The following NUP214 variants were observed in gnomAD, a reference collection of about 807,000 sequenced individuals.
NUP214 encodes the protein nucleoporin 214.
Under a neutral mutation model 196.2 loss-of-function variants are expected in NUP214, and 79 were observed. The ratio of observed to expected loss-of-function variants is 0.40; its 90% CI spans 0.34 to 0.49. The LOEUF is 0.49. Ranked by LOEUF, NUP214 falls within the 20% of genes least tolerant of loss-of-function variation. The pLI, the probability that NUP214 is intolerant of heterozygous loss-of-function variation, is 0.58. For synonymous variants in NUP214, 1,020 were observed against 990.5 expected (o/e 1.03, Z -0.56); for missense variants, 2,468 against 2,539.0 (o/e 0.97, Z 0.60).
chr9:131,225,074 G>A (rs982704434), intron 32 of NUP214, among the ~76,000 whole-genome samples: 2 of 151,956 alleles, frequency 1.3e-5, no homozygotes, highest in Non-Finnish European at 2.9e-5. Flanking sequence ...ACCAACCTGG[G>A]CAACATAGTG....
At chr9:131,218,085 C>T (rs1834452782) in intron 31 of NUP214, among the ~76,000 whole-genome samples, 1 of 152,188 alleles carries the variant, frequency 6.6e-6, no homozygotes, top group South Asian at 2.1e-4. Flanking sequence ...TACCAGATAA[C>T]CTGTTAGTCT....
chr9:131,139,559 T>G, intron 10 of NUP214, 152 bp downstream of exon 10: 1 of 1,147,586 alleles, frequency 8.7e-7, no homozygotes, highest in Non-Finnish European at 1.2e-6. Context: ...GATAACAGGC[T>G]GCGTTGTGAC....
At chr9:131,160,918 C>G (rs1010630328) in intron 18 of NUP214, among the ~76,000 whole-genome samples, 2 of 152,182 alleles carry the variant, frequency 1.3e-5, no homozygotes, top group Non-Finnish European at 2.9e-5. Flanking sequence ...CATTAGAGAA[C>G]TAGCTCACAC....
chr9:131,151,459 T>A (rs549520376), intron 16 of NUP214, among the ~76,000 whole-genome samples: 1 of 152,384 alleles, frequency 6.6e-6, no homozygotes, highest in African/African-American at 2.4e-5. Flanking sequence ...GTGTTAGCAG[T>A]AATTATCTTC....
chr9:131,200,354 T>G (rs983193449), intron 29 of NUP214, among the ~76,000 whole-genome samples: 2 of 152,226 alleles, frequency 1.3e-5, no homozygotes, highest in Admixed American at 6.5e-5. Context: ...GGCAGGGGAA[T>G]CACTTGAGGT....
Position 131,178,391 on chromosome 9 carries a change from A to G in NUP214, c.3400A>G (p.Thr1134Ala), listed in dbSNP as rs776088512. 33 of 1,612,596 alleles carry G rather than the reference A, an allele frequency of 2.0e-5. No individual in the cohort carries two copies. The highest frequency in any genetic ancestry group is 2.4e-5 in the Non-Finnish European group (28 of 1,178,944). The stretch of plus-strand genomic sequence containing the variant: ...GCAGGAATTGAAGAATAACCCTGCA[A>G]CCCCTTCTACAGCCATGGGGTATGT... ...NVQELKNNPA[T>A]PSTAMGSSVP... Residue 1134 changes from threonine to alanine, a missense_variant, in exon 24 of 36, where the codon ACC (threonine) becomes GCC (alanine). Physicochemically the swap from Thr to Ala is moderately conservative, Grantham distance 58. This residue lies in a region of NUP214 where 1,801 missense variants were observed against 1,779.4 expected (regional missense o/e 1.01). Coordinates refer to ENST00000359428, the MANE Select transcript of NUP214 (RefSeq NM_005085.4).
At chr9:131,162,546 C>T (rs1832672180) in intron 18 of NUP214, among the ~76,000 whole-genome samples, 2 of 152,132 alleles carry the variant, frequency 1.3e-5, no homozygotes, top group Non-Finnish European at 2.9e-5. Context: ...TGCTGTCCCC[C>T]TATTTCTTGA....
At chr9:131,205,987 TTTG>T in intron 30 of NUP214, among the ~76,000 whole-genome samples, 1 of 151,948 alleles carries the variant, frequency 6.6e-6, no homozygotes, top group East Asian at 1.9e-4. Flanking sequence ...CCAGCCTAAA[TTTG>T]TTTTTTAAAG....
At chr9:131,178,273 G>C in intron 23 of NUP214, 38 bp from the exon 24 acceptor site, 1 of 1,509,236 alleles carries the variant, frequency 6.6e-7, no homozygotes, top group African/African-American at 1.4e-5. Flanking sequence ...TCCTTTGCTG[G>C]AATTAATATG....
At position 131,147,577 on chromosome 9, in the gene NUP214, C is replaced by T. The variant is rs1277426119; in HGVS notation, c.2033C>T (p.Ser678Phe). ...ACCCCTCCAGCGGCAAAGCCAGGCTCTCCCCAGGTATGTTTAAATTCAGCT... is the reference window on the plus strand; with the variant it reads ...ACCCCTCCAGCGGCAAAGCCAGGCTTTCCCCAGGTATGTTTAAATTCAGCT... ...RITPPAAKPG[S>F]PQAKSLQPAV... Residue 678 changes from serine to phenylalanine, a missense_variant, in exon 14 of 36, where the codon TCT becomes TTT. Physicochemically the swap from Ser to Phe is radical, Grantham distance 155 (BLOSUM62 -2). Transcript: ENST00000359428. The T allele has an allele frequency of 6.2e-7, 1 of 1,611,530 alleles. No individual in the cohort carries two copies. The highest frequency in any genetic ancestry group is 1.3e-5 in the African/African-American group (1 of 74,990).
chr9:131,139,253 T>A, intron 9 of NUP214, 28 bp from the exon 10 acceptor site: 2 of 1,418,668 alleles, frequency 1.4e-6, no homozygotes, highest in Non-Finnish European at 1.9e-6. Flanking sequence ...CTTCTTCTTC[T>A]TCTTTTTTTT....
At chr9:131,227,867 G>A (rs989845276) in intron 32 of NUP214, among the ~76,000 whole-genome samples, 1 of 152,072 alleles carries the variant, frequency 6.6e-6, no homozygotes, top group African/African-American at 2.4e-5. Flanking sequence ...TGACTTCACA[G>A]GGTCTGCAGG....
At chr9:131,189,332 T>C (rs1833539432) in intron 26 of NUP214, among the ~76,000 whole-genome samples, 2 of 152,224 alleles carry the variant, frequency 1.3e-5, no homozygotes, top group African/African-American at 2.4e-5. Context: ...AAAATTAGTA[T>C]GCCCTTCAAT....
chr9:131,184,810 AATAGTTGGCAGTTAT>A (rs931266512), intron 24 of NUP214, among the ~76,000 whole-genome samples: 3 of 152,222 alleles, frequency 2.0e-5, no homozygotes, highest in Non-Finnish European at 4.4e-5. Flanking sequence ...CAATGGAGAA[AATAGTTGGCAGTTAT>A]ATTTCCATCG....
chr9:131,147,390 T>C, intron 13 of NUP214, 100 bp from the exon 14 acceptor site: 1 of 841,516 alleles, frequency 1.2e-6, no homozygotes. Flanking sequence ...CCAGGGGCAA[T>C]GTGTAACTTA....
chr9:131,179,875 A>G (rs1216764537), intron 24 of NUP214, among the ~76,000 whole-genome samples: 1 of 152,236 alleles, frequency 6.6e-6, no homozygotes, highest in Non-Finnish European at 1.5e-5. Flanking sequence ...TTTTCAAGGG[A>G]AAGAACTATG....
rs748117282 is a variant in NUP214, at chr9:131,178,332, C to T, written c.3341C>T (p.Ser1114Leu). The change falls in exon 24 of 36, where the codon TCA becomes TTA. Residue 1114 changes from serine to leucine, a missense_variant. By Grantham distance (145) the Ser-to-Leu change is moderately radical. This residue lies in a region of NUP214 where 1,801 missense variants were observed against 1,779.4 expected (regional missense o/e 1.01). Transcript: ENST00000359428. The stretch of plus-strand genomic sequence containing the variant: ...TTAGCTGTAAACACTTTGACTGAAT[C>T]AACGTTGAAGAATGTCCCTCAAGTG... The part of the protein sequence containing the change: ...QAPAVNTLTE[S>L]TLKNVPQVVN... The T allele has an allele frequency of 1.7e-5, 28 of 1,613,422 alleles. No homozygotes were observed. Among genetic ancestry groups the T allele is most frequent in the Non-Finnish European group, 2.4e-5 (28 of 1,179,486 alleles).
intron 33 of NUP214, chr9:131,229,378 A>G: frequency 5.2e-6 from 1 of 190,588 alleles, no homozygotes; most frequent in South Asian, 7.6e-5. Flanking sequence ...GGACAGTTAG[A>G]GACCCACTTA....
intron 3 of NUP214, 146 bp downstream of exon 3, chr9:131,128,629 G>C: frequency 4.8e-6 from 3 of 620,286 alleles, no homozygotes; most frequent in Non-Finnish European, 7.6e-6. Context: ...CTTAATTATA[G>C]AATCATAGAT....
Sources: allele counts gnomAD v4.1 joint callset (sites outside exome capture counted in the v4.1 genomes callset), GRCh38; gene constraint gnomAD v4.1.1; regional missense constraint gnomAD v4.1.1; transcripts MANE v1.5; gene names NCBI Gene and HGNC (gene_info 2026-07-23, HGNC 2026-07-21).